Variants in ZNF682 observed in about 807,000 individuals in gnomAD.
ZNF682 encodes the protein zinc finger protein 682.
ZNF682 carries 29 observed loss-of-function variants against 36.5 expected under a neutral mutation model. That is an observed-to-expected ratio of 0.80 (90% CI 0.59 to 1.08). The LOEUF (loss-of-function observed/expected upper bound fraction) is 1.08, where lower values mean the gene tolerates loss of function less well. Ranked by LOEUF, ZNF682 falls within the 50% of genes least tolerant of loss-of-function variation. The pLI is 0.00. For synonymous variants in ZNF682, 180 were observed against 197.0 expected (o/e 0.91, Z 0.72); for missense variants, 561 against 579.7 (o/e 0.97, Z 0.33).
In ZNF682 at chr19:20,024,270, T is replaced by A; in HGVS notation, c.110A>T (p.Tyr37Phe). The change falls in exon 2 of 4, where the codon TAC becomes TTC. Residue 37 changes from tyrosine (Y) to phenylalanine (F), a missense_variant. Coordinates refer to ENST00000397165, the MANE Select transcript of ZNF682 (RefSeq NM_033196.3). The part of the protein sequence containing the change: ...SLYRKVMLEN[Y>F]RNLVSLGLTV... ...CTCACCCAGAGAGACCAGGTTTCTGTAGTTCTCTAGCATCACTTTCCTATA... is the reference window on the plus strand; with the variant it reads ...CTCACCCAGAGAGACCAGGTTTCTGAAGTTCTCTAGCATCACTTTCCTATA... The A allele has an allele frequency of 6.2e-7, 1 of 1,613,998 alleles. No homozygotes were observed. Among genetic ancestry groups the A allele is most frequent in the Non-Finnish European group, 8.5e-7 (1 of 1,179,936 alleles).
intron 1 of ZNF682, among the ~76,000 whole-genome samples, chr19:20,036,038 A>G (rs1473045095): frequency 6.6e-6 from 1 of 152,164 alleles, no homozygotes; most frequent in East Asian, 1.9e-4. Context: ...ACCCAGCCGA[A>G]AAAATACTCT....
At chr19:20,002,324 A>AC (rs1354396792), downstream of ZNF682, among the ~76,000 whole-genome samples, 1 of 149,644 alleles carries the variant, frequency 6.7e-6, no homozygotes, top group Admixed American at 6.7e-5. Flanking sequence ...TGATCTCCTG[A>AC]CCTCATGATC....
chr19:20,016,408 G>A (rs933672086), intron 3 of ZNF682, among the ~76,000 whole-genome samples: 2 of 152,020 alleles, frequency 1.3e-5, no homozygotes, highest in African/African-American at 4.8e-5. Context: ...TTTTAAACAT[G>A]TTCAATGAGC....
chr19:20,039,044 G>A lies in ZNF682; in HGVS notation c.3+299C>T, dbSNP rs183984438. 2.1e-5 allele frequency: 21 copies of A among 978,574 alleles called. No homozygotes were observed. The East Asian group carries it at 6.1e-4, about 28-fold the overall frequency. The allele number at this position is 978,574 out of a possible 1,614,324, so 60.6% of individuals were successfully genotyped here. A position where few individuals can be genotyped will look rare whatever the true frequency, so the allele number is the denominator to read the frequency against. The stretch of plus-strand genomic sequence containing the variant: ...ACACGGGGTCTGGACTCTGCCCTGA[G>A]GACGCTTCCATTGTCCCCGCAGTCG... On this transcript the variant is annotated intron_variant, in intron 1 of 3. Coordinates refer to ENST00000397165, the MANE Select transcript of ZNF682 (RefSeq NM_033196.3).
intron 1 of ZNF682, among the ~76,000 whole-genome samples, chr19:20,029,284 CTTTTG>C (rs763389152): frequency 1.1e-4 from 16 of 150,296 alleles, no homozygotes; most frequent in East Asian, 2.1e-4. Flanking sequence ...CCCAGCCTTT[CTTTTG>C]TTTTCTTTTT....
At chr19:20,036,424 G>A (rs980285481) in intron 1 of ZNF682, among the ~76,000 whole-genome samples, 6 of 151,844 alleles carry the variant, frequency 4.0e-5, no homozygotes, top group Non-Finnish European at 8.8e-5. Flanking sequence ...GGCCAACATG[G>A]TGGAACCCTG....
downstream of ZNF682, among the ~76,000 whole-genome samples, chr19:20,000,268 G>T (rs1296451735): frequency 6.6e-6 from 1 of 152,226 alleles, no homozygotes; most frequent in East Asian, 1.9e-4. Flanking sequence ...AGACAACTCT[G>T]TATCCAGCTT....
chr19:20,006,100 G>A lies in ZNF682; in HGVS notation c.1402C>T (p.Leu468Phe), dbSNP rs2088213841. The change falls in exon 4 of 4, where the codon CTT (leucine) becomes TTT (phenylalanine). Residue 468 changes from leucine to phenylalanine, a missense_variant. Leu to Phe is a conservative substitution (Grantham distance 22). Transcript: ENST00000397165. The part of the protein sequence containing the change: ...CGKAFKRCSH[L>F]NEHKRVQRGE... The stretch of plus-strand genomic sequence containing the variant: ...CTTTGAACTCTCTTATGTTCATTAA[G>A]ATGTGAGCACCGTTTAAAAGCTTTG... 1 of 1,613,940 alleles carries A rather than the reference G, an allele frequency of 6.2e-7. No individual in the cohort carries two copies. The highest frequency in any genetic ancestry group is 1.3e-5 in the African/African-American group (1 of 74,914).
chr19:20,026,539 G>A (rs890687290), intron 1 of ZNF682, among the ~76,000 whole-genome samples: 4 of 151,954 alleles, frequency 2.6e-5, no homozygotes, highest in Admixed American at 6.6e-5. Flanking sequence ...GCATGATCCC[G>A]GCTCACTGCA....
rs769391025 is a variant in ZNF682 at position 20,005,977 on chromosome 19, T to G, written c.*28A>C. On this transcript the variant is annotated 3_prime_UTR_variant, in exon 4 of 4. Transcript: ENST00000397165. ...ATGGAATTTGCCACATTCTTTACAT[T>G]TGTAGGATTTCTCTTTAGTAAAAAT... The G allele has an allele frequency of 1.3e-6, 2 of 1,547,762 alleles. No homozygotes were observed. Among genetic ancestry groups the G allele is most frequent in the Non-Finnish European group, 1.7e-6 (2 of 1,149,256 alleles).
chr19:20,014,437 T>A (rs2088316949), intron 3 of ZNF682, among the ~76,000 whole-genome samples: 1 of 152,090 alleles, frequency 6.6e-6, no homozygotes, highest in Admixed American at 6.6e-5. Context: ...AAAATACAAT[T>A]TATAATATAC....
Position 20,018,205 on chromosome 19 carries a change from C to T in ZNF682, c.226+4799G>A, listed in dbSNP as rs913258268. Among the ~76,000 whole-genome samples, 22 of 148,306 alleles carry T rather than the reference C, an allele frequency of 1.5e-4. 1 individual carries two copies. The highest frequency in any genetic ancestry group is 5.4e-4 in the Admixed American group (8 of 14,892). On this transcript the variant is annotated intron_variant, in intron 3 of 3. Transcript: ENST00000397165. ...GCCTCCCGGGTTCACGCCATTCTCC[C>T]GCCTCAGCCTCCCAAGTAGCTGGGA...
intron 3 of ZNF682, among the ~76,000 whole-genome samples, chr19:19,999,311 C>T (rs1432392164): frequency 6.6e-6 from 1 of 152,100 alleles, no homozygotes; most frequent in East Asian, 1.9e-4. Context: ...AATTTTTGTC[C>T]CCAAAGTGTT....
chr19:19,996,008 T>C (rs1222890249), downstream of ZNF682, among the ~76,000 whole-genome samples: 3 of 152,304 alleles, frequency 2.0e-5, no homozygotes, highest in African/African-American at 7.2e-5. Context: ...ACAGAGCAGA[T>C]GGTGGCTGAA....
At chr19:20,025,526 A>G (rs1424040282) in intron 1 of ZNF682, among the ~76,000 whole-genome samples, 1 of 151,928 alleles carries the variant, frequency 6.6e-6, no homozygotes, top group Non-Finnish European at 1.5e-5. Context: ...AAATACAAAA[A>G]ATTAGCTGGG....
In ZNF682 at chr19:20,023,110, AG is replaced by A; in HGVS notation, c.131-12del. 6.2e-7 allele frequency: 1 copy of A among 1,611,578 alleles called. No individual in the cohort carries two copies. Among genetic ancestry groups the A allele is most frequent in the Non-Finnish European group, 8.5e-7 (1 of 1,177,936 alleles). ...TAGAAACAGTAAGACCTGTTTTATT[AG>A]AAAAAAGTAATGTGATTCTTGCTGG... is the stretch of plus-strand genomic sequence containing the variant. On this transcript the variant is annotated splice_polypyrimidine_tract_variant and intron_variant, in intron 2 of 3. Coordinates refer to ENST00000397165, the MANE Select transcript of ZNF682 (RefSeq NM_033196.3).
chr19:20,020,380 C>T (rs2088373295), intron 3 of ZNF682, among the ~76,000 whole-genome samples: 2 of 152,052 alleles, frequency 1.3e-5, no homozygotes. Context: ...ACCTGTAATC[C>T]AAGCTACTCA....
At position 20,023,059 on chromosome 19, in the gene ZNF682, C is replaced by T; in HGVS notation, c.171G>A (p.Glu57=). 2 of 1,614,086 alleles carry T rather than the reference C, an allele frequency of 1.2e-6. No individual in the cohort carries two copies. The highest frequency in any genetic ancestry group is 1.7e-6 in the Non-Finnish European group (2 of 1,179,962). Residue 57 remains glutamate, a synonymous_variant, in exon 3 of 4, where the codon GAG becomes GAA. Coordinates refer to ENST00000397165, the MANE Select transcript of ZNF682 (RefSeq NM_033196.3). ...VSKPELISRL[E]QRQEPWNVKR... is the part of the protein sequence containing the mutation. Reference sequence around the variant, plus strand: ...TCACATTCCAGGGCTCCTGTCTTTGCTCCAGACGGCTAATCAGTTCTGGCT... The same window carrying T: ...TCACATTCCAGGGCTCCTGTCTTTGTTCCAGACGGCTAATCAGTTCTGGCT...
exon 4 of ZNF682, chr19:19,997,148 C>G (rs370334496): frequency 7.0e-5 from 28 of 398,280 alleles, no homozygotes; most frequent in African/African-American, 5.3e-4. Flanking sequence ...TCCAGGGGCA[C>G]AGAGAATGAG....
Sources: gnomAD v4.1 joint callset for allele counts (sites outside exome capture counted in the v4.1 genomes callset) on GRCh38, gnomAD v4.1.1 for gene constraint, MANE v1.5 for transcripts, NCBI Gene and HGNC (gene_info 2026-07-23, HGNC 2026-07-21) for gene names.